Variants in DNAAF9 observed in about 807,000 individuals in gnomAD.
DNAAF9 encodes the protein shulin.
A neutral mutation model predicts 167.0 loss-of-function variants in DNAAF9; 90 were observed. The observed-to-expected ratio is 0.54, with a 90% confidence interval of 0.45 to 0.64. The LOEUF (loss-of-function observed/expected upper bound fraction) is 0.64. Ranked by LOEUF, DNAAF9 falls within the 30% of genes least tolerant of loss-of-function variation. DNAAF9 has a pLI of 0.00. For synonymous variants in DNAAF9, 491 were observed against 508.8 expected (o/e 0.96, Z 0.47); for missense variants, 1,315 against 1,442.2 (o/e 0.91, Z 1.43).
intron 20 of DNAAF9, among the ~76,000 whole-genome samples, chr20:3,314,171 T>G (rs1239320769): frequency 6.6e-6 from 1 of 152,150 alleles, no homozygotes; most frequent in Non-Finnish European, 1.5e-5. Flanking sequence ...CAAGCCTCAT[T>G]TACATGGGAC....
At position 3,252,557 on chromosome 20, in the gene DNAAF9, G is replaced by C. The variant is rs778509144; in HGVS notation, c.*15C>G. ...AAGGTGGACATTCTGCAGGACGTAC[G>C]GGCCCAGCCTTCCTCTAGGGCTTCA... On this transcript the variant is annotated 3_prime_UTR_variant, in exon 37 of 37. Coordinates refer to ENST00000252032, the MANE Select transcript of DNAAF9 (RefSeq NM_001009984.3). 7.2e-7 allele frequency: 1 copy of C among 1,388,658 alleles called. No individual in the cohort carries two copies. Among genetic ancestry groups the C allele is most frequent in the South Asian group, 1.2e-5 (1 of 86,654 alleles). The allele number at this position is 1,388,658 out of a possible 1,614,324, so 86.0% of individuals were successfully genotyped here.
chr20:3,399,400 G>C (rs1353196602), intron 1 of DNAAF9, among the ~76,000 whole-genome samples: 1 of 152,010 alleles, frequency 6.6e-6, no homozygotes, highest in East Asian at 1.9e-4. Context: ...AGTAGAGACA[G>C]GGTTTCATCA....
At chr20:3,304,219 G>T (rs1455662496) in intron 21 of DNAAF9, among the ~76,000 whole-genome samples, 8 of 152,146 alleles carry the variant, frequency 5.3e-5, no homozygotes, top group Admixed American at 5.2e-4. Context: ...GCCCTTTCTA[G>T]GTAAGCCCTT....
chr20:3,405,495 A>T (rs913583631), intron 1 of DNAAF9, among the ~76,000 whole-genome samples: 2 of 152,220 alleles, frequency 1.3e-5, no homozygotes, highest in Non-Finnish European at 2.9e-5. Flanking sequence ...AAAGGAGGGA[A>T]GCCTTCAGCA....
At chr20:3,290,033 C>A in intron 26 of DNAAF9, 96 bp downstream of exon 26, 1 of 760,192 alleles carries the variant, frequency 1.3e-6, no homozygotes, top group South Asian at 1.5e-5. Flanking sequence ...TGATACCAGT[C>A]CCACCAAGGC....
At chr20:3,371,375 G>A (rs1181313988) in intron 6 of DNAAF9, among the ~76,000 whole-genome samples, 1 of 113,784 alleles carries the variant, frequency 8.8e-6, no homozygotes. Context: ...CTGGAGTCTC[G>A]CTCTGTGGCC....
intron 21 of DNAAF9, among the ~76,000 whole-genome samples, chr20:3,300,369 G>T (rs1223036109): frequency 6.6e-6 from 1 of 151,896 alleles, no homozygotes; most frequent in African/African-American, 2.4e-5. Context: ...ATATTTTTCA[G>T]TTTTCAGTGT....
intron 9 of DNAAF9, among the ~76,000 whole-genome samples, chr20:3,341,036 G>C (rs1029179329): frequency 6.6e-6 from 1 of 152,080 alleles, no homozygotes; most frequent in Non-Finnish European, 1.5e-5. Context: ...ACAGACAATA[G>C]GGCAGTCACC....
chr20:3,323,964 T>C (rs911459566), intron 14 of DNAAF9, among the ~76,000 whole-genome samples: 2 of 152,184 alleles, frequency 1.3e-5, no homozygotes, highest in African/African-American at 4.8e-5. Flanking sequence ...CAAATTCAGG[T>C]TGGCCAGAAA....
At chr20:3,304,152 G>C (rs960207229) in intron 21 of DNAAF9, among the ~76,000 whole-genome samples, 2 of 152,202 alleles carry the variant, frequency 1.3e-5, no homozygotes, top group African/African-American at 4.8e-5. Context: ...CTGCTTTATA[G>C]TCCTCTTTAG....
At chr20:3,402,569 A>G (rs934834703) in intron 1 of DNAAF9, among the ~76,000 whole-genome samples, 6 of 151,662 alleles carry the variant, frequency 4.0e-5, no homozygotes, top group African/African-American at 9.7e-5. Flanking sequence ...CTCTACTTCT[A>G]TAAGATCAAC....
chr20:3,342,394 T>C (rs1422338152), intron 9 of DNAAF9, among the ~76,000 whole-genome samples: 2 of 152,194 alleles, frequency 1.3e-5, no homozygotes, highest in Non-Finnish European at 2.9e-5. Context: ...GTTAAGATGT[T>C]TGATTAATGT....
intron 25 of DNAAF9, among the ~76,000 whole-genome samples, chr20:3,293,460 G>A (rs1386799019): frequency 4.6e-5 from 7 of 150,638 alleles, no homozygotes; most frequent in African/African-American, 1.5e-4. Flanking sequence ...CGGGGTGGGC[G>A]GATCACCTGA....
At chr20:3,292,814 C>T (rs1029319540) in intron 25 of DNAAF9, among the ~76,000 whole-genome samples, 1 of 150,774 alleles carries the variant, frequency 6.6e-6, no homozygotes, top group Admixed American at 6.6e-5. Context: ...CGCCTGTAAT[C>T]CCAGCACTTT....
At chr20:3,261,824 G>A (rs1340149991) in intron 31 of DNAAF9, among the ~76,000 whole-genome samples, 1 of 151,700 alleles carries the variant, frequency 6.6e-6, no homozygotes, top group African/African-American at 2.4e-5. Context: ...GAGACTGGGG[G>A]TTTCTCTGGC....
At chr20:3,265,291 G>A (rs866275831) in intron 30 of DNAAF9, among the ~76,000 whole-genome samples, 1 of 152,060 alleles carries the variant, frequency 6.6e-6, no homozygotes, top group Non-Finnish European at 1.5e-5. Context: ...TAGGCCGGGC[G>A]CGATGGCTCA....
intron 6 of DNAAF9, among the ~76,000 whole-genome samples, chr20:3,370,573 C>G (rs1407224106): frequency 6.6e-6 from 1 of 152,122 alleles, no homozygotes; most frequent in Non-Finnish European, 1.5e-5. Context: ...CCATGCCCAG[C>G]TAATTTTTGT....
chr20:3,308,485 G>A (rs1287837989), intron 20 of DNAAF9, among the ~76,000 whole-genome samples: 8 of 151,688 alleles, frequency 5.3e-5, no homozygotes, highest in Admixed American at 4.6e-4. Context: ...TGGGATTACA[G>A]GCATGCGCCA....
At chr20:3,350,118 C>T (rs1377861411) in intron 7 of DNAAF9, among the ~76,000 whole-genome samples, 1 of 150,082 alleles carries the variant, frequency 6.7e-6, no homozygotes, top group Non-Finnish European at 1.5e-5. Context: ...GCTGCCCAGA[C>T]TATCAGACAC....
Sources: allele counts gnomAD v4.1 joint callset (sites outside exome capture counted in the v4.1 genomes callset), GRCh38; gene constraint gnomAD v4.1.1; transcripts MANE v1.5; gene names NCBI Gene and HGNC (gene_info 2026-07-23, HGNC 2026-07-21).